SORCS3: variants seen among roughly 807,000 people sequenced by gnomAD.
SORCS3 encodes sortilin related VPS10 domain containing receptor 3.
In SORCS3, 57 loss-of-function variants were observed where a neutral mutation model predicts 146.3. The observed-to-expected ratio is 0.39, with a 90% CI of 0.31 to 0.49. The LOEUF (loss-of-function observed/expected upper bound fraction) is 0.49, where lower values mean the gene tolerates loss of function less well. SORCS3 is among the 20% of genes least tolerant of loss of function. SORCS3 has a pLI of 0.92. For synonymous variants in SORCS3, 653 were observed against 618.5 expected, an observed-to-expected ratio of 1.06 and a Z score of -0.83; for missense variants, 1,341 against 1,575.5, an observed-to-expected ratio of 0.85 and a Z score of 2.52.
intron 2 of SORCS3, among the ~76,000 whole-genome samples, chr10:104,869,826 T>G (rs149246872): frequency 6.6e-6 from 1 of 152,316 alleles, no homozygotes; most frequent in Non-Finnish European, 1.5e-5. Flanking sequence ...CAAACATCTT[T>G]TATAGTAGAG....
intron 3 of SORCS3, among the ~76,000 whole-genome samples, chr10:104,926,375 G>A (rs2019145846): frequency 6.6e-6 from 1 of 152,126 alleles, no homozygotes. Flanking sequence ...CAAGCGGCTA[G>A]AGCAGTGTTT....
intron 1 of SORCS3, among the ~76,000 whole-genome samples, chr10:104,647,574 C>G (rs1589445937): frequency 6.6e-6 from 1 of 152,134 alleles, no homozygotes; most frequent in African/African-American, 2.4e-5. Context: ...CCATCAAGTG[C>G]GAGTTCTGTT....
chr10:104,725,055 G>A (rs1301866076), intron 1 of SORCS3, among the ~76,000 whole-genome samples: 1 of 152,140 alleles, frequency 6.6e-6, no homozygotes, highest in Non-Finnish European at 1.5e-5. Flanking sequence ...AGGTGCTCTG[G>A]TTTTTAGAGT....
chr10:105,048,947 A>G (rs1424373720), intron 5 of SORCS3, among the ~76,000 whole-genome samples: 1 of 152,140 alleles, frequency 6.6e-6, no homozygotes, highest in Non-Finnish European at 1.5e-5. Flanking sequence ...TTATTACACA[A>G]AGATACATGC....
rs192505275 is a variant in SORCS3 at position 104,897,851 on chromosome 10, G to A, written c.696-17982G>A. 4.0e-4 allele frequency among the ~76,000 whole-genome samples: 61 copies of A among 152,298 alleles called. 1 individual carries two copies. Among genetic ancestry groups the A allele is most frequent in the Admixed American group, 1.4e-3 (22 of 15,294 alleles). The stretch of plus-strand genomic sequence containing the variant: ...ATGGGTTGCCTGGGGGTAGTCCCAC[G>A]TATGCTTGCCAGCCAGCCTTTGAGA... On this transcript the variant is annotated intron_variant, in intron 2 of 26. Coordinates refer to ENST00000369701, the MANE Select transcript of SORCS3 (RefSeq NM_014978.3).
chr10:105,011,435 G>T (rs992414592), intron 4 of SORCS3, among the ~76,000 whole-genome samples: 1 of 152,150 alleles, frequency 6.6e-6, no homozygotes, highest in African/African-American at 2.4e-5. Context: ...TTTCTTTCGT[G>T]TATCTGACTT....
intron 1 of SORCS3, among the ~76,000 whole-genome samples, chr10:104,746,857 AG>A (rs1258868566): frequency 2.0e-5 from 3 of 152,256 alleles, no homozygotes; most frequent in Non-Finnish European, 4.4e-5. Context: ...TGCATTAGCC[AG>A]GGGTAGGATA....
At chr10:105,196,251 A>G (rs923150450) in intron 14 of SORCS3, among the ~76,000 whole-genome samples, 2 of 152,150 alleles carry the variant, frequency 1.3e-5, no homozygotes, top group Admixed American at 6.5e-5. Context: ...TTGAATTTCT[A>G]TGCTTACTAA....
chr10:104,840,758 T>A (rs914634611), intron 1 of SORCS3, among the ~76,000 whole-genome samples: 3 of 13,484 alleles, frequency 2.2e-4, no homozygotes, highest in African/African-American at 5.0e-4. Context: ...TATGTAGATT[T>A]TGCACTTTTT....
Position 104,735,456 on chromosome 10 carries a change from G to GTTTTTTTTTTTTTTTTTTTTT in SORCS3, c.627+93503_627+93523dup. On this transcript the variant is annotated intron_variant, in intron 1 of 26. Coordinates refer to ENST00000369701, the MANE Select transcript of SORCS3 (RefSeq NM_014978.3). ...CGGTATTCATGAGCTCTCACCGTCT[G>GTTTTTTTTTTTTTTTTTTTTT]TTTTTTTTTTTTTTTTTTTTTAATC... 3.8e-3 allele frequency among the ~76,000 whole-genome samples: 133 copies of GTTTTTTTTTTTTTTTTTTTTT among 34,988 alleles called. 30 individuals are homozygous for GTTTTTTTTTTTTTTTTTTTTT. The highest frequency in any genetic ancestry group is 7.2e-3 in the South Asian group (4 of 558). The allele number at this position is 34,988 out of a possible 152,430, so 23.0% of individuals were successfully genotyped here.
At position 104,895,445 on chromosome 10, in the gene SORCS3, A is replaced by G. The variant is rs114846000; in HGVS notation, c.696-20388A>G. Among the ~76,000 whole-genome samples, 784 of 152,266 alleles carry G rather than the reference A, an allele frequency of 5.1e-3. 11 individuals carry two copies. Among genetic ancestry groups the G allele is most frequent in the African/African-American group, 0.018 (768 of 41,532 alleles). ...AAACTTCTTATGTCCCACTAACAACAGGGAGAAAAAAAGTGTTGTAGAGAC... is the reference window on the plus strand; with the variant it reads ...AAACTTCTTATGTCCCACTAACAACGGGGAGAAAAAAAGTGTTGTAGAGAC... On this transcript the variant is annotated intron_variant, in intron 2 of 26. Transcript: ENST00000369701.
At chr10:104,791,550 A>T (rs1181756921) in intron 1 of SORCS3, among the ~76,000 whole-genome samples, 2 of 152,192 alleles carry the variant, frequency 1.3e-5, no homozygotes, top group Admixed American at 1.3e-4. Context: ...TGATGAGTGG[A>T]GTGTAAACTT....
At chr10:105,243,773 G>A (rs12569994) in intron 20 of SORCS3, among the ~76,000 whole-genome samples, 35,543 of 152,072 alleles carry the variant, frequency 0.23, 4,117 homozygotes, top group South Asian at 0.3. Flanking sequence ...CATCAACCTC[G>A]TCATAAAACA....
rs56203751 is a variant in SORCS3 at position 104,735,456 on chromosome 10, G to GTTTTTTTTTTTTTTTTTTTTTTT, written c.627+93523_627+93524insTTTTTTTTTTTTTTTTTTTTTTT. 5.8e-3 allele frequency among the ~76,000 whole-genome samples: 202 copies of GTTTTTTTTTTTTTTTTTTTTTTT among 34,960 alleles called. 46 individuals carry two copies. The highest frequency in any genetic ancestry group is 0.013 in the East Asian group (8 of 626). 22.9% of individuals were successfully genotyped at this position (34,960 alleles called of 152,430 possible). A position where few individuals can be genotyped will look rare whatever the true frequency, so the allele number is the denominator to read the frequency against. On this transcript the variant is annotated intron_variant, in intron 1 of 26. Coordinates refer to ENST00000369701, the MANE Select transcript of SORCS3 (RefSeq NM_014978.3). Reference sequence around the variant, plus strand: ...CGGTATTCATGAGCTCTCACCGTCTGTTTTTTTTTTTTTTTTTTTTTAATC... The same window carrying GTTTTTTTTTTTTTTTTTTTTTTT: ...CGGTATTCATGAGCTCTCACCGTCTGTTTTTTTTTTTTTTTTTTTTTTTTTTTTTTTTTTTTTTTTTTTTAATC...
intron 4 of SORCS3, among the ~76,000 whole-genome samples, chr10:105,000,364 G>A (rs2055053829): frequency 6.6e-6 from 1 of 151,324 alleles, no homozygotes; most frequent in African/African-American, 2.4e-5. Context: ...GTGTAGCTAT[G>A]TGTGTTTTAA....
chr10:104,917,647 C>T (rs1299633581), intron 3 of SORCS3, among the ~76,000 whole-genome samples: 1 of 152,192 alleles, frequency 6.6e-6, no homozygotes, highest in Non-Finnish European at 1.5e-5. Context: ...CATGCCTCCC[C>T]TTTAACCATT....
chr10:105,256,264 C>T (rs998560258), intron 24 of SORCS3, among the ~76,000 whole-genome samples: 27 of 152,074 alleles, frequency 1.8e-4, no homozygotes, highest in Admixed American at 2.6e-4. Flanking sequence ...CTCTAGTTGG[C>T]TTATTTGTGA....
At chr10:105,113,228 T>C (rs556367669) in intron 7 of SORCS3, among the ~76,000 whole-genome samples, 20 of 152,324 alleles carry the variant, frequency 1.3e-4, no homozygotes, top group Non-Finnish European at 2.5e-4. Flanking sequence ...TTTCCATGTG[T>C]GGACAGCTGA....
chr10:104,919,657 C>G (rs971810137), intron 3 of SORCS3, among the ~76,000 whole-genome samples: 2 of 151,998 alleles, frequency 1.3e-5, no homozygotes, highest in African/African-American at 4.8e-5. Context: ...CCATTGCACT[C>G]CAGCCTGGGC....
Sources: gnomAD v4.1 joint callset for allele counts (sites outside exome capture counted in the v4.1 genomes callset) on GRCh38, gnomAD v4.1.1 for gene constraint, MANE v1.5 for transcripts, NCBI Gene and HGNC (gene_info 2026-07-23, HGNC 2026-07-21) for gene names.